TFG: variants seen among roughly 807,000 people sequenced by gnomAD.
TFG encodes protein TFG.
Under a neutral mutation model 51.4 loss-of-function variants are expected in TFG, and 22 were observed. That is an observed-to-expected ratio of 0.43 (90% CI 0.31 to 0.61). The LOEUF (loss-of-function observed/expected upper bound fraction) is 0.61. TFG is among the 20% of genes least tolerant of loss of function. TFG has a pLI of 0.12. For synonymous variants in TFG, 187 were observed against 165.6 expected, an observed-to-expected ratio of 1.13 and a Z score of -0.99; for missense variants, 419 against 487.7, an observed-to-expected ratio of 0.86 and a Z score of 1.33.
intron 7 of TFG, among the ~76,000 whole-genome samples, chr3:100,745,923 T>C (rs1433540204): frequency 6.6e-6 from 1 of 152,208 alleles, no homozygotes; most frequent in Non-Finnish European, 1.5e-5. Context: ...GCCTAAACTA[T>C]TTACTATCTG....
chr3:100,713,599 T>C, intron 1 of TFG, 44 bp from the exon 2 acceptor site: 1 of 952,750 alleles, frequency 1.0e-6, no homozygotes, highest in Non-Finnish European at 1.5e-6. Flanking sequence ...TCTCAACTTT[T>C]ACGGTATGTT....
chr3:100,722,766 A>G (rs184784052), intron 3 of TFG, among the ~76,000 whole-genome samples: 12 of 152,344 alleles, frequency 7.9e-5, no homozygotes, highest in African/African-American at 2.2e-4. Context: ...GTAGCATCCT[A>G]TACTCCACTA....
chr3:100,737,920 G>C (rs2149089058), intron 6 of TFG, among the ~76,000 whole-genome samples: 1 of 152,252 alleles, frequency 6.6e-6, no homozygotes, highest in African/African-American at 2.4e-5. Context: ...TTAGCCAGGT[G>C]CTATGGCATG....
rs942428788 is a variant in TFG at position 100,725,610 on chromosome 3, C to T, written c.269-3102C>T. On this transcript the variant is annotated intron_variant, in intron 3 of 7. Transcript: ENST00000240851. ...TGGCCAACATGGCGAAACTCCGTCT[C>T]TACCAAAAATACAAAAAAAAAAAAA... Among the ~76,000 whole-genome samples the T allele has an allele frequency of 3.9e-5, 5 of 128,538 alleles. No individual in the cohort carries two copies. The South Asian group carries it at 1.3e-3, about 33-fold the overall frequency. 84.3% of individuals were successfully genotyped at this position (128,538 alleles called of 152,430 possible). A position where few individuals can be genotyped will look rare whatever the true frequency, so the allele number is the denominator to read the frequency against.
chr3:100,747,369 A>G (rs995612224), intron 7 of TFG: 1 of 152,214 alleles, frequency 6.6e-6, no homozygotes. Flanking sequence ...AGGGTTGTAC[A>G]TATTTTAATA....
rs1021612001 is a variant in TFG, at chr3:100,725,463, G to T, written c.269-3249G>T. 2.0e-5 allele frequency among the ~76,000 whole-genome samples: 3 copies of T among 151,396 alleles called. No individual in the cohort carries two copies. In the South Asian group the frequency reaches 6.3e-4, roughly 32 times the overall value. ...GTCTATGCTGTTTCATTTCTTAGTG[G>T]TTAGGAGCAAAGATGAAAAAAATAC... On this transcript the variant is annotated intron_variant, in intron 3 of 7. Coordinates refer to ENST00000240851, the MANE Select transcript of TFG (RefSeq NM_006070.6).
At chr3:100,730,642 A>T (rs2149080586) in intron 4 of TFG, among the ~76,000 whole-genome samples, 1 of 152,344 alleles carries the variant, frequency 6.6e-6, no homozygotes, top group South Asian at 2.1e-4. Context: ...TGCTATTTAG[A>T]ACCTGTGGCT....
At chr3:100,716,866 C>T (rs777437297) in intron 2 of TFG, among the ~76,000 whole-genome samples, 47 of 152,042 alleles carry the variant, frequency 3.1e-4, no homozygotes, top group Admixed American at 7.2e-4. Context: ...CTGTTCAGAT[C>T]ATTTGCCGAT....
intron 2 of TFG, among the ~76,000 whole-genome samples, chr3:100,715,490 A>T (rs533331565): frequency 4.3e-4 from 65 of 152,336 alleles, no homozygotes; most frequent in Admixed American, 9.8e-4. Flanking sequence ...CACAACTTAT[A>T]CTGTGGAGGA....
At chr3:100,747,992 C>CTT in intron 7 of TFG, among the ~76,000 whole-genome samples, 157 bp from the exon 8 acceptor site, 1 of 152,216 alleles carries the variant, frequency 6.6e-6, no homozygotes, top group East Asian at 1.9e-4. Flanking sequence ...ACTACTTGGT[C>CTT]TTGAAATATT....
chr3:100,724,453 A>G (rs2095069347), intron 3 of TFG, among the ~76,000 whole-genome samples: 1 of 152,206 alleles, frequency 6.6e-6, no homozygotes, highest in African/African-American at 2.4e-5. Flanking sequence ...GGTAAATTTA[A>G]TGTACTGTTT....
At chr3:100,744,960 C>T (rs773391088) in intron 7 of TFG, 29 bp downstream of exon 7, 2 of 1,514,712 alleles carry the variant, frequency 1.3e-6, no homozygotes, top group Non-Finnish European at 1.8e-6. Context: ...GGAGTTGGCT[C>T]ATGGTTTTTT....
At position 100,736,806 on chromosome 3, in the gene TFG, C is replaced by T; in HGVS notation, c.721+90C>T. The T allele has an allele frequency of 7.1e-6, 10 of 1,412,290 alleles. No homozygotes were observed. The South Asian group carries it at 8.9e-5, about 13-fold the overall frequency. 87.5% of individuals were successfully genotyped at this position (1,412,290 alleles called of 1,614,324 possible). A position where few individuals can be genotyped will look rare whatever the true frequency, so the allele number is the denominator to read the frequency against. ...GTTGTAAACACTTCATGTATTTAGT[C>T]ATGCCTTAAACACAGGAAAAATTTT... On this transcript the variant is annotated intron_variant, in intron 6 of 7. Transcript: ENST00000240851.
chr3:100,744,595 GGT>G (rs1471221056), intron 6 of TFG: 3 of 341,256 alleles, frequency 8.8e-6, no homozygotes, highest in Non-Finnish European at 1.6e-5. Flanking sequence ...GGTAGCCACT[GGT>G]GTTGCACTTA....
Position 100,714,592 on chromosome 3 carries a change from C to T in TFG, c.184+723C>T, listed in dbSNP as rs780861077. ...ATTTTTTTTACAAGCATTATTTTCT[C>T]CTTTTGTCCATATAATTCTGGTTTC... On this transcript the variant is annotated intron_variant, in intron 2 of 7. Coordinates refer to ENST00000240851, the MANE Select transcript of TFG (RefSeq NM_006070.6). 4.2e-4 allele frequency among the ~76,000 whole-genome samples: 63 copies of T among 151,610 alleles called. 1 individual carries two copies. The highest frequency in any genetic ancestry group is 1.9e-4 in the East Asian group (1 of 5,176).
At chr3:100,728,993 A>G (rs1310087705) in intron 4 of TFG, 135 bp downstream of exon 4, 2 of 718,192 alleles carry the variant, frequency 2.8e-6, no homozygotes, top group Admixed American at 3.3e-5. Context: ...CTCTACTAGT[A>G]TTTATGTCTG....
At chr3:100,725,224 C>T (rs979932765) in intron 3 of TFG, among the ~76,000 whole-genome samples, 7 of 152,040 alleles carry the variant, frequency 4.6e-5, no homozygotes, top group African/African-American at 1.7e-4. Flanking sequence ...ATTCTTTTAC[C>T]TCATATGGGG....
rs570259627 is a variant in TFG at position 100,730,203 on chromosome 3, T to G, written c.415+1345T>G. On this transcript the variant is annotated intron_variant, in intron 4 of 7. Transcript: ENST00000240851. ...AGTGTAGATGAGAATTTAACCAGTATAGCCAATACTGTTCAGAAATTAGCT... is the reference window on the plus strand; with the variant it reads ...AGTGTAGATGAGAATTTAACCAGTAGAGCCAATACTGTTCAGAAATTAGCT... Among the ~76,000 whole-genome samples, 5 of 152,316 alleles carry G rather than the reference T, an allele frequency of 3.3e-5. No homozygotes were observed. In the South Asian group the frequency reaches 1.0e-3, roughly 32 times the overall value.
At chr3:100,723,736 A>G (rs1003018513) in intron 3 of TFG, among the ~76,000 whole-genome samples, 7 of 152,312 alleles carry the variant, frequency 4.6e-5, no homozygotes, top group African/African-American at 1.7e-4. Flanking sequence ...CAGAACAAAG[A>G]GAAATCAATA....
Sources: allele counts gnomAD v4.1 joint callset (sites outside exome capture counted in the v4.1 genomes callset), GRCh38; gene constraint gnomAD v4.1.1; transcripts MANE v1.5; gene names NCBI Gene and HGNC (gene_info 2026-07-23, HGNC 2026-07-21).